Variants in RDX observed in about 807,000 individuals in gnomAD.
RDX encodes deafness, autosomal recessive 24.
In RDX, 32 loss-of-function variants were observed where a neutral mutation model predicts 83.7. The ratio of observed to expected loss-of-function variants is 0.38; its 90% CI spans 0.29 to 0.51. The LOEUF is 0.51. Among genes scored for constraint, RDX ranks in the 20% least tolerant of loss-of-function variants. The pLI, the probability that RDX is intolerant of heterozygous loss-of-function variation, is 0.87. For synonymous variants in RDX, 229 were observed against 222.7 expected (o/e 1.03, Z -0.25); for missense variants, 600 against 689.9 (o/e 0.87, Z 1.46).
intron 2 of RDX, among the ~76,000 whole-genome samples, chr11:110,277,329 T>A (rs1283460149): frequency 6.6e-6 from 1 of 152,190 alleles, no homozygotes. Flanking sequence ...ATTTTTTGTT[T>A]TGTTTTTTTG....
chr11:110,275,145 C>T (rs55777445), intron 2 of RDX, among the ~76,000 whole-genome samples: 5 of 152,088 alleles, frequency 3.3e-5, no homozygotes, highest in Non-Finnish European at 5.9e-5. Context: ...GTGGGATCCT[C>T]GATTGCTGAT....
At chr11:110,244,337 T>C (rs1351205825) in intron 10 of RDX, among the ~76,000 whole-genome samples, 1 of 104,926 alleles carries the variant, frequency 9.5e-6, no homozygotes, top group African/African-American at 3.8e-5. Context: ...CACTCCAACC[T>C]GGGGCAACAG....
intron 15 of RDX, among the ~76,000 whole-genome samples, chr11:110,180,407 T>A (rs979759777): frequency 2.0e-5 from 3 of 152,174 alleles, no homozygotes; most frequent in African/African-American, 7.2e-5. Flanking sequence ...GCGGTCGGAA[T>A]CTTCCCCTCC....
chr11:110,236,097 A>G lies in RDX; in HGVS notation c.1344+2T>C. On this transcript the variant is annotated splice_donor_variant, in intron 12 of 13. Coordinates refer to ENST00000645495, the MANE Select transcript of RDX (RefSeq NM_002906.4). LOFTEE classifies it high-confidence loss of function. ...AAAGCTAGTAAATGAATAAATGATTACTTTGTGTTGCCACTCAGTAGCTTC... is the reference window on the plus strand; with the variant it reads ...AAAGCTAGTAAATGAATAAATGATTGCTTTGTGTTGCCACTCAGTAGCTTC... The G allele has an allele frequency of 6.2e-7, 1 of 1,600,122 alleles. No homozygotes were observed. The highest frequency in any genetic ancestry group is 8.6e-7 in the Non-Finnish European group (1 of 1,169,010).
At chr11:110,217,196 A>G (rs747512177) in intron 14 of RDX, among the ~76,000 whole-genome samples, 5 of 152,110 alleles carry the variant, frequency 3.3e-5, no homozygotes, top group Non-Finnish European at 7.4e-5. Flanking sequence ...CCTTGATTAC[A>G]TTTTCTTCTA....
At chr11:110,267,020 A>G (rs1041404298) in intron 3 of RDX, among the ~76,000 whole-genome samples, 2 of 151,664 alleles carry the variant, frequency 1.3e-5, no homozygotes, top group African/African-American at 4.8e-5. Flanking sequence ...CTCCCACCTC[A>G]GCCTCCCGAG....
chr11:110,296,029 G>T (rs990740251), intron 1 of RDX, among the ~76,000 whole-genome samples: 4 of 152,236 alleles, frequency 2.6e-5, no homozygotes, highest in Non-Finnish European at 5.9e-5. Context: ...TTCTACCTAC[G>T]CTGAATATCT....
chr11:110,198,885 G>A (rs1316232320), intron 15 of RDX, among the ~76,000 whole-genome samples: 2 of 151,050 alleles, frequency 1.3e-5, no homozygotes, highest in East Asian at 1.9e-4. Flanking sequence ...GTGCCATCTC[G>A]GCTCACTGCA....
At chr11:110,285,712 CAAAAA>C (rs35030078) in intron 1 of RDX, among the ~76,000 whole-genome samples, 1 of 78,404 alleles carries the variant, frequency 1.3e-5, no homozygotes, top group Non-Finnish European at 2.3e-5. Context: ...GACTTTGTCT[CAAAAA>C]AAAAAAAAAA....
intron 1 of RDX, among the ~76,000 whole-genome samples, chr11:110,286,520 A>G (rs915494691): frequency 6.6e-6 from 1 of 152,278 alleles, no homozygotes; most frequent in Non-Finnish European, 1.5e-5. Context: ...GTCAGGTGGT[A>G]AAACAGGTGT....
intron 1 of RDX, among the ~76,000 whole-genome samples, chr11:110,285,192 G>A (rs185470081): frequency 2.5e-4 from 38 of 150,620 alleles, no homozygotes; most frequent in African/African-American, 9.0e-4. Flanking sequence ...TTCGAGACCA[G>A]TCTGGCCAAC....
Position 110,262,520 on chromosome 11 carries a change from G to A in RDX, c.467+1440C>T, listed in dbSNP as rs1010004862. Among the ~76,000 whole-genome samples the A allele has an allele frequency of 3.9e-5, 6 of 151,920 alleles. No homozygotes were observed. In the South Asian group the frequency reaches 8.3e-4, roughly 21 times the overall value. On this transcript the variant is annotated intron_variant, in intron 5 of 13. Coordinates refer to ENST00000645495, the MANE Select transcript of RDX (RefSeq NM_002906.4). Reference sequence around the variant, plus strand: ...GGAGAATCGCTTGAATCCGGGAGGCGGAGGTTGCAGTGAGCCGAGATCGTG... The same window carrying A: ...GGAGAATCGCTTGAATCCGGGAGGCAGAGGTTGCAGTGAGCCGAGATCGTG...
At chr11:110,292,900 C>G (rs1202937002) in intron 1 of RDX, among the ~76,000 whole-genome samples, 1 of 152,106 alleles carries the variant, frequency 6.6e-6, no homozygotes, top group Admixed American at 6.5e-5. Context: ...AATTATAAAC[C>G]TCCTTTTTTA....
chr11:110,265,096 A>C (rs2134383636), intron 3 of RDX, among the ~76,000 whole-genome samples: 1 of 134,364 alleles, frequency 7.4e-6, no homozygotes, highest in Non-Finnish European at 1.6e-5. Flanking sequence ...TTTGAAAAGA[A>C]GTTTTTTTTT....
intron 15 of RDX, among the ~76,000 whole-genome samples, chr11:110,192,611 A>G (rs1863124340): frequency 6.6e-6 from 1 of 152,218 alleles, no homozygotes; most frequent in African/African-American, 2.4e-5. Flanking sequence ...TTCTCAAACT[A>G]TGCTTCTCAC....
exon 15 of RDX, chr11:110,199,610 GGTTA>G: frequency 1.4e-6 from 1 of 703,010 alleles, no homozygotes; most frequent in Non-Finnish European, 2.6e-6. Context: ...TCTTCCTAAG[GGTTA>G]CATTTGCTTT....
At chr11:110,278,762 T>G (rs1254950119) in intron 2 of RDX, among the ~76,000 whole-genome samples, 3 of 151,808 alleles carry the variant, frequency 2.0e-5, no homozygotes. Flanking sequence ...ACCTGCTGAG[T>G]CTTTAAGTCA....
At chr11:110,260,587 A>G (rs1313213390) in intron 5 of RDX, among the ~76,000 whole-genome samples, 1 of 152,126 alleles carries the variant, frequency 6.6e-6, no homozygotes, top group Non-Finnish European at 1.5e-5. Context: ...GATTACAAGC[A>G]TGTGCCACCA....
At chr11:110,258,804 C>T (rs1472902621) in intron 5 of RDX, among the ~76,000 whole-genome samples, 1 of 151,776 alleles carries the variant, frequency 6.6e-6, no homozygotes, top group African/African-American at 2.4e-5. Flanking sequence ...AGTCCAATAC[C>T]CCCCAAATAA....
Sources: allele counts gnomAD v4.1 joint callset (sites outside exome capture counted in the v4.1 genomes callset), GRCh38; gene constraint gnomAD v4.1.1; transcripts MANE v1.5; gene names NCBI Gene and HGNC (gene_info 2026-07-23, HGNC 2026-07-21).